Variants in TMTC2 observed in about 807,000 individuals in gnomAD.
TMTC2 encodes the protein protein O-mannosyl-transferase TMTC2.
In TMTC2, 43 loss-of-function variants were observed where a neutral mutation model predicts 82.4. The ratio of observed to expected loss-of-function variants is 0.52; its 90% CI spans 0.41 to 0.67. TMTC2 has a LOEUF of 0.67. Among genes scored for constraint, TMTC2 ranks in the 30% least tolerant of loss-of-function variants. The pLI is 0.00. For missense variants in TMTC2, 919 were observed against 1,012.4 expected (o/e 0.91, Z 1.25); for synonymous variants, 408 against 381.9 (o/e 1.07, Z -0.80).
rs184993522 is a variant in TMTC2 at position 83,104,645 on chromosome 12, C to G, written c.2332-27565C>G. 8.0e-4 allele frequency among the ~76,000 whole-genome samples: 122 copies of G among 152,322 alleles called. 1 individual carries two copies. The highest frequency in any genetic ancestry group is 2.0e-3 in the Admixed American group (31 of 15,302). ...GGGCAATGGAGTCCTGGGCAAGGCT[C>G]TTGAACCCAGTCTTTCTTCCTAGAA... On this transcript the variant is annotated intron_variant, in intron 11 of 11. Transcript: ENST00000321196.
intron 10 of TMTC2, among the ~76,000 whole-genome samples, chr12:83,054,656 A>G (rs1882471329): frequency 6.6e-6 from 1 of 150,970 alleles, no homozygotes. Context: ...AAATATGCAT[A>G]TATAATTACA....
chr12:82,851,332 A>G (rs1277819716), intron 1 of TMTC2, among the ~76,000 whole-genome samples: 1 of 152,108 alleles, frequency 6.6e-6, no homozygotes, highest in Non-Finnish European at 1.5e-5. Context: ...GGGGAGGCTG[A>G]GGCAGGAGAA....
chr12:82,757,834 C>G (rs1876420800), intron 1 of TMTC2, among the ~76,000 whole-genome samples: 1 of 152,098 alleles, frequency 6.6e-6, no homozygotes, highest in Admixed American at 6.6e-5. Flanking sequence ...TCAGTAAGAT[C>G]TGCATTAACA....
intron 7 of TMTC2, among the ~76,000 whole-genome samples, chr12:82,985,501 A>G (rs1052650985): frequency 3.9e-5 from 6 of 152,134 alleles, no homozygotes; most frequent in Admixed American, 1.3e-4. Flanking sequence ...TTTTTCTTAT[A>G]GTTCCTTTAT....
intron 1 of TMTC2, among the ~76,000 whole-genome samples, chr12:82,784,883 TTTTTTGTTTGTTTTG>T (rs1030611202): frequency 6.6e-6 from 1 of 151,978 alleles, no homozygotes; most frequent in African/African-American, 2.4e-5. Flanking sequence ...TGTGTGTCTT[TTTTTTGTTTGTTTTG>T]TTTTTGTTTG....
intron 1 of TMTC2, among the ~76,000 whole-genome samples, chr12:82,711,228 G>A (rs1592864894): frequency 1.3e-5 from 2 of 152,224 alleles, no homozygotes; most frequent in South Asian, 4.1e-4. Context: ...AAGGTCAGAA[G>A]TCACCGTCAA....
At chr12:82,726,619 G>C (rs150244941) in intron 1 of TMTC2, among the ~76,000 whole-genome samples, 1 of 152,070 alleles carries the variant, frequency 6.6e-6, no homozygotes, top group Non-Finnish European at 1.5e-5. Context: ...GGTGGCTCAC[G>C]CCTATAATCT....
rs542473911 is a variant in TMTC2 at position 83,122,068 on chromosome 12, G to A, written c.2332-10142G>A. 5.1e-4 allele frequency among the ~76,000 whole-genome samples: 78 copies of A among 152,048 alleles called. 3 individuals carry two copies. The Middle Eastern group carries it at 0.037, about 73-fold the overall frequency. On this transcript the variant is annotated intron_variant, in intron 11 of 11. Transcript: ENST00000321196. ...CAGCAGGCCTGAGAACTTACCCCAT[G>A]CTACCCGCTTCCCAGCTGTGAAAGC...
intron 4 of TMTC2, among the ~76,000 whole-genome samples, chr12:82,952,507 A>G (rs756132040): frequency 6.6e-6 from 1 of 152,072 alleles, no homozygotes; most frequent in Non-Finnish European, 1.5e-5. Context: ...CTTTATATAT[A>G]CATACACACA....
At chr12:82,989,730 G>A (rs564303886) in intron 8 of TMTC2, among the ~76,000 whole-genome samples, 5 of 147,216 alleles carry the variant, frequency 3.4e-5, no homozygotes, top group African/African-American at 1.3e-4. Context: ...GATTTTAAAG[G>A]CTGTTTTATT....
chr12:82,781,243 A>T (rs1877887550), intron 1 of TMTC2, among the ~76,000 whole-genome samples: 1 of 152,042 alleles, frequency 6.6e-6, no homozygotes, highest in Non-Finnish European at 1.5e-5. Context: ...TATCTCTCAA[A>T]CTTTTCAAAA....
intron 8 of TMTC2, among the ~76,000 whole-genome samples, chr12:83,018,940 G>T (rs1044178567): frequency 1.5e-4 from 23 of 152,118 alleles, no homozygotes; most frequent in African/African-American, 5.6e-4. Context: ...CTACTAAATT[G>T]GTTTACAATG....
intron 8 of TMTC2, among the ~76,000 whole-genome samples, chr12:83,021,690 T>C (rs1365370967): frequency 6.6e-6 from 1 of 152,122 alleles, no homozygotes; most frequent in African/African-American, 2.4e-5. Context: ...TTGAAAGAGA[T>C]CCTGAATCTA....
intron 1 of TMTC2, among the ~76,000 whole-genome samples, chr12:82,812,499 A>C (rs1356307157): frequency 6.6e-6 from 1 of 152,148 alleles, no homozygotes; most frequent in East Asian, 1.9e-4. Flanking sequence ...ATTTAAGGTG[A>C]CATCTAATCA....
chr12:82,727,170 A>G (rs1035029110), intron 1 of TMTC2, among the ~76,000 whole-genome samples: 2 of 152,106 alleles, frequency 1.3e-5, no homozygotes. Context: ...AGAAAATAGA[A>G]AAGAAGAATA....
intron 1 of TMTC2, among the ~76,000 whole-genome samples, chr12:82,811,844 G>A (rs1868410603): frequency 1.7e-5 from 2 of 115,896 alleles, no homozygotes; most frequent in South Asian, 5.9e-4. Context: ...CTGAGATGGA[G>A]TCTCGCTCTG....
Position 83,097,526 on chromosome 12 carries a change from T to C in TMTC2, c.2332-34684T>C, listed in dbSNP as rs144029230. Among the ~76,000 whole-genome samples, 69 of 152,348 alleles carry C rather than the reference T, an allele frequency of 4.5e-4. 1 individual carries two copies. The highest frequency in any genetic ancestry group is 6.9e-4 in the Non-Finnish European group (47 of 68,036). ...TTTCATTTAACAAATATTTATTGAA[T>C]ACCTGTTCACTGTCAACACTGCCCT... is the stretch of plus-strand genomic sequence containing the variant. On this transcript the variant is annotated intron_variant, in intron 11 of 11. Coordinates refer to ENST00000321196, the MANE Select transcript of TMTC2 (RefSeq NM_152588.3).
intron 2 of TMTC2, among the ~76,000 whole-genome samples, chr12:82,874,711 A>G (rs1261838370): frequency 6.6e-6 from 1 of 152,172 alleles, no homozygotes; most frequent in Non-Finnish European, 1.5e-5. Context: ...TTGATTATCT[A>G]AAATGGAGCC....
chr12:82,954,664 A>G (rs1028230404), intron 4 of TMTC2, among the ~76,000 whole-genome samples: 3 of 152,188 alleles, frequency 2.0e-5, no homozygotes, highest in East Asian at 3.9e-4. Context: ...GCATACTTTC[A>G]TCTCCTAATG....
Sources: allele counts gnomAD v4.1 joint callset (sites outside exome capture counted in the v4.1 genomes callset), GRCh38; gene constraint gnomAD v4.1.1; transcripts MANE v1.5; gene names NCBI Gene and HGNC (gene_info 2026-07-23, HGNC 2026-07-21).